The following AFF3 variants were observed in gnomAD, a reference collection of about 807,000 sequenced individuals.
The protein encoded by AFF3 is AF4/FMR2 family member 3.
AFF3 carries 32 observed loss-of-function variants against 129.7 expected under a neutral mutation model. The ratio of observed to expected loss-of-function variants is 0.25; its 90% confidence interval spans 0.19 to 0.33. The LOEUF (loss-of-function observed/expected upper bound fraction) is 0.33, where lower values mean the gene tolerates loss of function less well. Ranked by LOEUF, AFF3 falls within the 10% of genes least tolerant of loss-of-function variation. The probability of loss-of-function intolerance (pLI) is 1.00; values close to 1 mark genes in which losing one functional copy is unlikely to be tolerated. For missense variants in AFF3, 1,373 were observed against 1,592.0 expected, an observed-to-expected ratio of 0.86 and a Z score of 2.34; for synonymous variants, 644 against 635.4, an observed-to-expected ratio of 1.01 and a Z score of -0.20.
intron 2 of AFF3, among the ~76,000 whole-genome samples, chr2:100,120,441 T>C (rs1401467632): frequency 6.6e-6 from 1 of 151,862 alleles, no homozygotes; most frequent in African/African-American, 2.4e-5. Flanking sequence ...AAGGTTTTCT[T>C]TTTTATTTTG....
chr2:99,708,820 T>A (rs951402002), intron 11 of AFF3, among the ~76,000 whole-genome samples: 11 of 152,182 alleles, frequency 7.2e-5, no homozygotes, highest in Admixed American at 2.6e-4. Flanking sequence ...TCTGAACATC[T>A]AAAGAAACCC....
chr2:99,835,185 C>G (rs1323613101), intron 8 of AFF3, among the ~76,000 whole-genome samples: 1 of 152,170 alleles, frequency 6.6e-6, no homozygotes, highest in Non-Finnish European at 1.5e-5. Context: ...GGATCCCTCT[C>G]CATAGCAGCC....
intron 10 of AFF3, among the ~76,000 whole-genome samples, chr2:99,737,378 T>C (rs766814378): frequency 5.3e-5 from 8 of 152,174 alleles, no homozygotes; most frequent in Non-Finnish European, 1.2e-4. Flanking sequence ...TTAAAATTTC[T>C]TTTGTGAGGA....
At chr2:99,843,815 T>C (rs1289720892) in intron 7 of AFF3, among the ~76,000 whole-genome samples, 1 of 152,206 alleles carries the variant, frequency 6.6e-6, no homozygotes, top group African/African-American at 2.4e-5. Flanking sequence ...ATCCCATCCA[T>C]AATTTAAGAA....
chr2:99,901,601 C>T (rs1228620666), intron 7 of AFF3, among the ~76,000 whole-genome samples: 2 of 152,182 alleles, frequency 1.3e-5, no homozygotes, highest in Non-Finnish European at 2.9e-5. Flanking sequence ...GCCTCTCCTC[C>T]CTCCTCATTT....
chr2:99,962,576 C>A (rs1677332924), intron 7 of AFF3, among the ~76,000 whole-genome samples: 1 of 151,786 alleles, frequency 6.6e-6, no homozygotes, highest in South Asian at 2.1e-4. Flanking sequence ...GAAAAATGAA[C>A]AATATTGAAA....
chr2:99,676,203 C>A (rs1442389430), intron 11 of AFF3, among the ~76,000 whole-genome samples: 2 of 152,142 alleles, frequency 1.3e-5, no homozygotes, highest in Non-Finnish European at 2.9e-5. Flanking sequence ...GTTCCCTTAG[C>A]CCCTCCCCTT....
intron 8 of AFF3, among the ~76,000 whole-genome samples, chr2:99,807,355 A>T (rs994502491): frequency 6.6e-6 from 1 of 152,098 alleles, no homozygotes; most frequent in Admixed American, 6.6e-5. Context: ...AGGATCCTGG[A>T]CTCACCATGT....
At chr2:99,880,964 A>G (rs939360740) in intron 7 of AFF3, among the ~76,000 whole-genome samples, 7 of 152,178 alleles carry the variant, frequency 4.6e-5, no homozygotes, top group Admixed American at 3.3e-4. Flanking sequence ...GACAGCAGAG[A>G]GCACTTACTT....
chr2:99,966,148 T>C (rs1318236239), intron 7 of AFF3, among the ~76,000 whole-genome samples: 2 of 152,194 alleles, frequency 1.3e-5, no homozygotes, highest in Non-Finnish European at 1.5e-5. Context: ...ACATCCATCT[T>C]TCTCTGTCAG....
chr2:99,883,492 A>G (rs1454926794), intron 7 of AFF3, among the ~76,000 whole-genome samples: 1 of 152,236 alleles, frequency 6.6e-6, no homozygotes, highest in Non-Finnish European at 1.5e-5. Context: ...CCCAGAATAA[A>G]TCTTAGCCTT....
chr2:99,995,699 T>G (rs375261486), intron 7 of AFF3, among the ~76,000 whole-genome samples: 23 of 152,260 alleles, frequency 1.5e-4, no homozygotes, highest in African/African-American at 5.5e-4. Flanking sequence ...TAGATTTAAC[T>G]CTAATCTTTG....
chr2:99,646,765 G>A (rs1046383545), intron 13 of AFF3, among the ~76,000 whole-genome samples: 1 of 152,186 alleles, frequency 6.6e-6, no homozygotes, highest in Non-Finnish European at 1.5e-5. Context: ...AATAAGTAAT[G>A]TGAGAGAAAA....
chr2:100,011,261 G>C (rs767658112), intron 4 of AFF3, among the ~76,000 whole-genome samples: 1 of 152,066 alleles, frequency 6.6e-6, no homozygotes, highest in East Asian at 1.9e-4. Context: ...GCGACAAAGC[G>C]AGACTCCCTC....
chr2:99,554,594 A>G, intron 23 of AFF3, 60 bp from the exon 24 acceptor site: 1 of 1,609,726 alleles, frequency 6.2e-7, no homozygotes, highest in Non-Finnish European at 8.5e-7. Flanking sequence ...GAGGCAGGGC[A>G]GCCCCTTGGG....
intron 4 of AFF3, among the ~76,000 whole-genome samples, chr2:100,026,886 C>A (rs76448544): frequency 0.024 from 3,079 of 129,870 alleles, 88 homozygotes; most frequent in African/African-American, 0.079. Context: ...GCTGTGAGGA[C>A]AAAAAGGCAT....
chr2:99,554,065 G>A (rs969961706), intron 24 of AFF3, among the ~76,000 whole-genome samples: 8 of 152,138 alleles, frequency 5.3e-5, no homozygotes, highest in Non-Finnish European at 1.2e-4. Context: ...CTAACAACAG[G>A]GGAATGGTTT....
chr2:99,712,818 A>G (rs563147257), intron 11 of AFF3, among the ~76,000 whole-genome samples: 1 of 152,370 alleles, frequency 6.6e-6, no homozygotes, highest in South Asian at 2.1e-4. Context: ...ACAATGGCCA[A>G]AAGGTGGAGC....
intron 12 of AFF3, among the ~76,000 whole-genome samples, chr2:99,655,463 G>C (rs1327076968): frequency 1.3e-5 from 2 of 152,164 alleles, no homozygotes; most frequent in East Asian, 3.9e-4. Flanking sequence ...TCTAGGCAGG[G>C]AAGCTCTAGT....
Sources: gnomAD v4.1 joint callset for allele counts (sites outside exome capture counted in the v4.1 genomes callset) on GRCh38, gnomAD v4.1.1 for gene constraint, MANE v1.5 for transcripts, NCBI Gene and HGNC (gene_info 2026-07-23, HGNC 2026-07-21) for gene names.